Variants in ASCL3 observed in about 807,000 individuals in gnomAD.
ASCL3 encodes the protein achaete-scute family bHLH transcription factor 3, also known as achaete-scute homolog 3.
A neutral mutation model predicts 2.3 loss-of-function variants in ASCL3; 1 was observed. The observed-to-expected ratio is 0.44, with a 90% CI of 0.16 to 2.10. The LOEUF (loss-of-function observed/expected upper bound fraction) is 2.10, where lower values mean the gene tolerates loss of function less well. Among genes scored for constraint, ASCL3 ranks in the 30% most tolerant of loss-of-function variants. The pLI is 0.28. For synonymous variants in ASCL3, 98 were observed against 88.5 expected (o/e 1.11, Z -0.60); for missense variants, 243 against 229.0 (o/e 1.06, Z -0.40).
In ASCL3 at chr11:8,938,013, G is replaced by C; in HGVS notation, c.149C>G (p.Ser50Cys). ...AAAAGGCAGCCGTGGCAGCTCCTCA[G>C]AGTAAGGGGATGACACCGGGGCCTC... ...HPEAPVSSPYSEELPRLPFPS... is the reference protein window; with the variant it reads ...HPEAPVSSPYCEELPRLPFPS... The change falls in exon 2 of 2, where the codon TCT becomes TGT. Residue 50 changes from serine to cysteine, a missense_variant. Ser to Cys is a moderately radical substitution (Grantham distance 112). Coordinates refer to ENST00000531618, the MANE Select transcript of ASCL3 (RefSeq NM_020646.3). 1 of 1,613,974 alleles carries C rather than the reference G, an allele frequency of 6.2e-7. No individual in the cohort carries two copies. Among genetic ancestry groups the C allele is most frequent in the Non-Finnish European group, 8.5e-7 (1 of 1,179,900 alleles).
rs754917466 is a variant in ASCL3 at position 8,937,864 on chromosome 11, C to G, written c.298G>C (p.Glu100Gln). The G allele has an allele frequency of 2.7e-5, 43 of 1,614,014 alleles. 2 individuals carry two copies. The South Asian group carries it at 4.4e-4, about 16-fold the overall frequency. Residue 100 changes from glutamate (E) to glutamine (Q), a missense_variant, in exon 2 of 2, where the codon GAG becomes CAG. Transcript: ENST00000531618. ...CATTTCACCCGCTGCCTTTCCCGCT[C>G]ATTCCTTTTCCGGGTGAAGGCTGGC... Reference protein sequence around the residue: ...YGPAFTRKRNERERQRVKCVN... With the variant: ...YGPAFTRKRNQRERQRVKCVN...
rs2064689467 is a variant in ASCL3, at chr11:8,938,129, A to T, written c.33T>A (p.Pro11=). Residue 11 remains proline, a synonymous_variant, in exon 2 of 2, where the codon CCT becomes CCA. Coordinates refer to ENST00000531618, the MANE Select transcript of ASCL3 (RefSeq NM_020646.3). Reference sequence around the variant, plus strand: ...AATCAGGGAAGATAGGAAGTTTGTCAGGTAGACTAGAGTTGCCTCTGTTGT... The same window carrying T: ...AATCAGGGAAGATAGGAAGTTTGTCTGGTAGACTAGAGTTGCCTCTGTTGT... The part of the protein sequence containing the change: MMDNRGNSSL[P]DKLPIFPDSA... The T allele has an allele frequency of 6.2e-7, 1 of 1,609,796 alleles. No homozygotes were observed. The highest frequency in any genetic ancestry group is 8.5e-7 in the Non-Finnish European group (1 of 1,177,376).
chr11:8,940,801 C>G (rs1853683452), intron 1 of ASCL3, among the ~76,000 whole-genome samples: 1 of 152,134 alleles, frequency 6.6e-6, no homozygotes, highest in Admixed American at 6.5e-5. Context: ...GCATTATCCT[C>G]TAAACAATAC....
In ASCL3 at chr11:8,937,754, T is replaced by A. The variant is rs370503735; in HGVS notation, c.408A>T (p.Arg136Ser). Residue 136 changes from arginine to serine, a missense_variant, in exon 2 of 2, where the codon AGA (arginine) becomes AGT (serine). Arg to Ser is a moderately radical substitution (Grantham distance 110). Coordinates refer to ENST00000531618, the MANE Select transcript of ASCL3 (RefSeq NM_020646.3). Reference protein sequence around the residue: ...EKRLSKVETLRAAIKYINYLQ... With the variant: ...EKRLSKVETLSAAIKYINYLQ... ...GGTAGTTAATGTACTTGATCGCAGC[T>A]CTGAGGGTTTCCACTTTGCTGAGTC... is the stretch of plus-strand genomic sequence containing the variant. 6 of 1,613,980 alleles carry A rather than the reference T, an allele frequency of 3.7e-6. No individual in the cohort carries two copies. Among genetic ancestry groups the A allele is most frequent in the Non-Finnish European group, 5.1e-6 (6 of 1,179,990 alleles).
chr11:8,941,846 A>ATT (rs1446461079), intron 1 of ASCL3, among the ~76,000 whole-genome samples: 1 of 152,162 alleles, frequency 6.6e-6, no homozygotes, highest in Non-Finnish European at 1.5e-5. Context: ...CAAGCCAGGA[A>ATT]TTCTAGAGGG....
At chr11:8,942,770 C>A (rs1364013545) in intron 1 of ASCL3, among the ~76,000 whole-genome samples, 1 of 152,058 alleles carries the variant, frequency 6.6e-6, no homozygotes, top group Non-Finnish European at 1.5e-5. Flanking sequence ...ACCTAGTGTC[C>A]CGACTTCCAA....
At chr11:8,940,508 TCA>T (rs979629768) in intron 1 of ASCL3, among the ~76,000 whole-genome samples, 39 of 152,240 alleles carry the variant, frequency 2.6e-4, no homozygotes, top group African/African-American at 9.4e-4. Flanking sequence ...GCTTTTTCTC[TCA>T]GTCATAACAC....
chr11:8,939,321 C>T (rs2064695333), intron 1 of ASCL3, among the ~76,000 whole-genome samples: 1 of 152,034 alleles, frequency 6.6e-6, no homozygotes, highest in African/African-American at 2.4e-5. Context: ...TCACTGCAAC[C>T]TCTGCCCCCC....
At chr11:8,941,947 C>G (rs957170033) in intron 1 of ASCL3, among the ~76,000 whole-genome samples, 1 of 152,032 alleles carries the variant, frequency 6.6e-6, no homozygotes, top group Non-Finnish European at 1.5e-5. Flanking sequence ...AACAGCAGAG[C>G]CATATTGTTG....
chr11:8,939,234 A>G (rs2064694870), intron 1 of ASCL3, among the ~76,000 whole-genome samples: 1 of 152,014 alleles, frequency 6.6e-6, no homozygotes, highest in African/African-American at 2.4e-5. Flanking sequence ...GTAGCGACAT[A>G]AAGTTCCTTT....
chr11:8,937,696 T>C lies in ASCL3; in HGVS notation c.466A>G (p.Thr156Ala), dbSNP rs1353815197. 1 of 1,614,022 alleles carries C rather than the reference T, an allele frequency of 6.2e-7. No homozygotes were observed. Among genetic ancestry groups the C allele is most frequent in the African/African-American group, 1.3e-5 (1 of 74,946 alleles). Residue 156 changes from threonine to alanine, a missense_variant, in exon 2 of 2, where the codon ACC becomes GCC. Thr to Ala is a moderately conservative substitution (Grantham distance 58). Transcript: ENST00000531618. Reference sequence around the variant, plus strand: ...GAAACTTTTCCAGGGTTATTCTTGGTCTCAGCTTTATCAGGGTACAGAAGA... The same window carrying C: ...GAAACTTTTCCAGGGTTATTCTTGGCCTCAGCTTTATCAGGGTACAGAAGA... Reference protein sequence around the residue: ...QSLLYPDKAETKNNPGKVSSM... With the variant: ...QSLLYPDKAEAKNNPGKVSSM...
intron 1 of ASCL3, among the ~76,000 whole-genome samples, chr11:8,941,256 G>A (rs922174881): frequency 6.6e-6 from 1 of 151,982 alleles, no homozygotes; most frequent in Admixed American, 6.6e-5. Flanking sequence ...GAAATATGGT[G>A]TTAATTTCTC....
Position 8,938,097 on chromosome 11 carries a change from C to T in ASCL3, c.65G>A (p.Arg22His), listed in dbSNP as rs36020286. The T allele has an allele frequency of 2.7e-3, 4,411 of 1,613,614 alleles. 96 individuals are homozygous for T. In the African/African-American group the frequency reaches 0.052, roughly 19 times the overall value. ...DKLPIFPDSA[R>H]LPLTRSFYLE... ...ATAGAAGGACCTGGTCAGTGGCAAG[C>T]GGGCAGAATCAGGGAAGATAGGAAG... The change falls in exon 2 of 2, where the codon CGC (arginine) becomes CAC (histidine). Residue 22 changes from arginine (R) to histidine (H), a missense_variant. Transcript: ENST00000531618.
At chr11:8,941,448 G>T (rs1408683944) in intron 1 of ASCL3, among the ~76,000 whole-genome samples, 1 of 152,006 alleles carries the variant, frequency 6.6e-6, no homozygotes, top group Non-Finnish European at 1.5e-5. Flanking sequence ...TCAGCAGGCT[G>T]CACTGTGTAG....
At chr11:8,939,700 C>T (rs7951226) in intron 1 of ASCL3, among the ~76,000 whole-genome samples, 82,516 of 151,872 alleles carry the variant, frequency 0.54, 23,854 homozygotes, top group East Asian at 0.69. Context: ...ACCAAAATAC[C>T]CAAATATATG....
At chr11:8,941,760 T>A (rs890695944) in intron 1 of ASCL3, among the ~76,000 whole-genome samples, 1 of 151,770 alleles carries the variant, frequency 6.6e-6, no homozygotes, top group Non-Finnish European at 1.5e-5. Flanking sequence ...AAAACAAAAA[T>A]CTCTGGAAAA....
rs570736169 is a variant in ASCL3, at chr11:8,941,687, G to A, written c.-13+1299C>T. 9.9e-5 allele frequency among the ~76,000 whole-genome samples: 15 copies of A among 152,174 alleles called. No individual in the cohort carries two copies. In the South Asian group the frequency reaches 2.9e-3, roughly 30 times the overall value. On this transcript the variant is annotated intron_variant, in intron 1 of 1. Coordinates refer to ENST00000531618, the MANE Select transcript of ASCL3 (RefSeq NM_020646.3). ...AGTGGGATAGCTCCAATTAAAAATC[G>A]AAACAGAGGAACAGGAAATGAAAGA... is the stretch of plus-strand genomic sequence containing the variant.
intron 1 of ASCL3, among the ~76,000 whole-genome samples, chr11:8,938,470 C>T (rs936262863): frequency 2.6e-5 from 4 of 151,984 alleles, no homozygotes; most frequent in South Asian, 2.1e-4. Flanking sequence ...AGGATGGTCT[C>T]GATCTCTTGA....
chr11:8,940,618 GCTA>G (rs1324842980), intron 1 of ASCL3, among the ~76,000 whole-genome samples: 1 of 152,100 alleles, frequency 6.6e-6, no homozygotes, highest in African/African-American at 2.4e-5. Flanking sequence ...GTCCAAATGA[GCTA>G]CTAACTATTC....
Sources: gnomAD v4.1 joint callset for allele counts (sites outside exome capture counted in the v4.1 genomes callset) on GRCh38, gnomAD v4.1.1 for gene constraint, MANE v1.5 for transcripts, NCBI Gene and HGNC (gene_info 2026-07-23, HGNC 2026-07-21) for gene names.